CYP26B1: variants seen among roughly 807,000 people sequenced by gnomAD.
CYP26B1 encodes the protein cytochrome P450 26B1.
CYP26B1 carries 8 observed loss-of-function variants against 39.1 expected under a neutral mutation model. That is an observed-to-expected ratio of 0.20 (90% CI 0.12 to 0.37). The LOEUF is 0.37. Ranked by LOEUF, CYP26B1 falls within the 10% of genes least tolerant of loss-of-function variation. The pLI is 1.00. For synonymous variants in CYP26B1, 321 were observed against 314.3 expected (o/e 1.02, Z -0.23); for missense variants, 615 against 707.0 (o/e 0.87, Z 1.48).
chr2:72,135,396 G>A lies in CYP26B1; in HGVS notation c.453C>T (p.His151=), dbSNP rs746406112. ...KRKVFSKIFS[H]EALESYLPKI... ...TGGGCAGGTAACTCTCCAGGGCCTC[G>A]TGGCTGAAGATCTTGGAGAAGACCT... Residue 151 remains histidine, a synonymous_variant, in exon 3 of 6, where the codon CAC becomes CAT. Transcript: ENST00000001146. 1.2e-5 allele frequency: 19 copies of A among 1,612,356 alleles called. No individual in the cohort carries two copies. Among genetic ancestry groups the A allele is most frequent in the African/African-American group, 9.3e-5 (7 of 74,936 alleles).
At position 72,147,830 on chromosome 2, in the gene CYP26B1, A is replaced by G. The variant is rs748697471; in HGVS notation, c.5T>C (p.Leu2Pro). 4.6e-6 allele frequency: 7 copies of G among 1,516,794 alleles called. No individual in the cohort carries two copies. The highest frequency in any genetic ancestry group is 3.7e-4 in the Middle Eastern group (2 of 5,478). 94.0% of individuals were successfully genotyped at this position (1,516,794 alleles called of 1,614,324 possible). The change falls in exon 1 of 6, where the codon CTC (leucine) becomes CCC (proline). Residue 2 changes from leucine to proline, a missense_variant. By Grantham distance (98) the Leu-to-Pro change is moderately conservative (BLOSUM62 -3). Coordinates refer to ENST00000001146, the MANE Select transcript of CYP26B1 (RefSeq NM_019885.4). This position sits in a 1 kb window ranked among gnomAD's most constrained non-coding sequence, Gnocchi z 6.1. Reference sequence around the variant, plus strand: ...CGACACCAGATCCAAGCCCTCAAAGAGCATGTTGGCGGCCGCTCGGGGGAT... The same window carrying G: ...CGACACCAGATCCAAGCCCTCAAAGGGCATGTTGGCGGCCGCTCGGGGGAT... M[L>P]FEGLDLVSAL...
At chr2:72,133,710 G>A (rs781077152) in intron 4 of CYP26B1, among the ~76,000 whole-genome samples, 1 of 152,224 alleles carries the variant, frequency 6.6e-6, no homozygotes, top group Non-Finnish European at 1.5e-5. Flanking sequence ...TGTGGGGGAT[G>A]TGAGTCTAAA....
intron 2 of CYP26B1, among the ~76,000 whole-genome samples, chr2:72,143,404 G>C (rs1280440735): frequency 6.6e-6 from 1 of 151,264 alleles, no homozygotes. Flanking sequence ...ATCCCCGCTC[G>C]TGCCTCGCCT....
intron 2 of CYP26B1, among the ~76,000 whole-genome samples, chr2:72,143,371 C>CG (rs575862508): frequency 0.032 from 4,614 of 143,156 alleles, 274 homozygotes; most frequent in African/African-American, 0.099. Flanking sequence ...CTTCCTCTTT[C>CG]GGGGGGGGGT....
At chr2:72,142,228 G>A (rs1366218471) in intron 2 of CYP26B1, among the ~76,000 whole-genome samples, 1 of 152,116 alleles carries the variant, frequency 6.6e-6, no homozygotes, top group African/African-American at 2.4e-5. Context: ...CGGGAGGCCC[G>A]AGGCCAAGTC....
At chr2:72,139,159 G>C (rs1447477599) in intron 2 of CYP26B1, among the ~76,000 whole-genome samples, 1 of 152,122 alleles carries the variant, frequency 6.6e-6, no homozygotes, top group Non-Finnish European at 1.5e-5. Flanking sequence ...CAGTGACTCA[G>C]ACTGGGAGGA....
chr2:72,144,123 C>T lies in CYP26B1; in HGVS notation c.295G>A (p.Ala99Thr), dbSNP rs749249065. ...LGRPLIRVTG[A>T]ENVRKILMGE... ...ATGAGGATCTTGCGCACGTTCTCCG[C>T]GCCGGTCACGCGTATCAGCGGCCGC... Residue 99 changes from alanine to threonine, a missense_variant, in exon 2 of 6, where the codon GCG becomes ACG. Transcript: ENST00000001146. 6.2e-7 allele frequency: 1 copy of T among 1,611,646 alleles called. No individual in the cohort carries two copies. The highest frequency in any genetic ancestry group is 8.5e-7 in the Non-Finnish European group (1 of 1,177,964).
chr2:72,135,715 G>A lies in CYP26B1; in HGVS notation c.430-296C>T, dbSNP rs74570889. Among the ~76,000 whole-genome samples the A allele has an allele frequency of 4.9e-3, 753 of 152,292 alleles. 1 individual carries two copies. Among genetic ancestry groups the A allele is most frequent in the Non-Finnish European group, 7.8e-3 (531 of 68,020 alleles). On this transcript the variant is annotated intron_variant, in intron 2 of 5. Transcript: ENST00000001146. ...TGCCCTGGAGAAGTGGAGCACAGTC[G>A]TTGGACTGTACAGGGAAGTAGGGGA...
chr2:72,136,727 G>A (rs540100218), intron 2 of CYP26B1, among the ~76,000 whole-genome samples: 4 of 152,310 alleles, frequency 2.6e-5, no homozygotes, highest in Middle Eastern at 3.4e-3. Context: ...ATTTCCAGGG[G>A]ACTCTAACTA....
Position 72,144,094 on chromosome 2 carries a change from G to A in CYP26B1, c.324C>T (p.Gly108=), listed in dbSNP as rs755279161. 2 of 1,612,712 alleles carry A rather than the reference G, an allele frequency of 1.2e-6. No homozygotes were observed. ...GAENVRKILM[G]EHHLVSTEWP... Reference sequence around the variant, plus strand: ...ACTCGGTGCTCACGAGGTGGTGCTCGCCCATGAGGATCTTGCGCACGTTCT... The same window carrying A: ...ACTCGGTGCTCACGAGGTGGTGCTCACCCATGAGGATCTTGCGCACGTTCT... Residue 108 remains glycine, a synonymous_variant, in exon 2 of 6, where the codon GGC becomes GGT. Coordinates refer to ENST00000001146, the MANE Select transcript of CYP26B1 (RefSeq NM_019885.4).
Position 72,133,049 on chromosome 2 carries a change from T to C in CYP26B1, c.1120A>G (p.Thr374Ala), listed in dbSNP as rs769098244. 6.2e-7 allele frequency: 1 copy of C among 1,613,244 alleles called. No homozygotes were observed. Among genetic ancestry groups the C allele is most frequent in the East Asian group, 2.2e-5 (1 of 44,882 alleles). The stretch of plus-strand genomic sequence containing the variant: ...TCAAGCTCGAAGGTCTGCAGCACAG[T>C]GCGGTAGCCGCCGGAAATGGGCGTG... ...LFTPISGGYR[T>A]VLQTFELDGF... The change falls in exon 5 of 6, where the codon ACT becomes GCT. Residue 374 changes from threonine to alanine, a missense_variant. Physicochemically the swap from Thr to Ala is moderately conservative, Grantham distance 58. Coordinates refer to ENST00000001146, the MANE Select transcript of CYP26B1 (RefSeq NM_019885.4).
At chr2:72,140,055 G>C (rs1272815024) in intron 2 of CYP26B1, among the ~76,000 whole-genome samples, 2 of 152,116 alleles carry the variant, frequency 1.3e-5, no homozygotes, top group African/African-American at 4.8e-5. Flanking sequence ...GGGGGCCCAG[G>C]GCCAGGGCAG....
chr2:72,143,641 GC>G (rs1677021228), intron 2 of CYP26B1, among the ~76,000 whole-genome samples: 1 of 152,250 alleles, frequency 6.6e-6, no homozygotes, highest in African/African-American at 2.4e-5. Context: ...GGGAAACGTG[GC>G]GAAAAGGCGA....
chr2:72,141,912 C>T (rs1483450725), intron 2 of CYP26B1, among the ~76,000 whole-genome samples: 1 of 152,170 alleles, frequency 6.6e-6, no homozygotes, highest in African/African-American at 2.4e-5. Context: ...AAGCATAAAA[C>T]TGCTACACAC....
intron 2 of CYP26B1, among the ~76,000 whole-genome samples, chr2:72,142,258 CCCCA>C (rs1676964846): frequency 6.6e-6 from 1 of 152,206 alleles, no homozygotes; most frequent in South Asian, 2.1e-4. Flanking sequence ...GTGGGTGGAA[CCCCA>C]AGACAACGCC....
Position 72,135,360 on chromosome 2 carries a change from C to A in CYP26B1, c.489G>T (p.Leu163=). 2 of 1,613,884 alleles carry A rather than the reference C, an allele frequency of 1.2e-6. No homozygotes were observed. The highest frequency in any genetic ancestry group is 2.2e-5 in the East Asian group (1 of 44,892). ...ALESYLPKIQ[L]VIQDTLRAWS... ...AGGCGCGCAGTGTGTCCTGGATCACCAGCTGGATCTTGGGCAGGTAACTCT... is the reference window on the plus strand; with the variant it reads ...AGGCGCGCAGTGTGTCCTGGATCACAAGCTGGATCTTGGGCAGGTAACTCT... The change falls in exon 3 of 6, where the codon CTG becomes CTT. Residue 163 remains leucine, a synonymous_variant. Coordinates refer to ENST00000001146, the MANE Select transcript of CYP26B1 (RefSeq NM_019885.4).
At chr2:72,141,701 C>A (rs144432204) in intron 2 of CYP26B1, among the ~76,000 whole-genome samples, 311 of 152,356 alleles carry the variant, frequency 2.0e-3, no homozygotes, top group African/African-American at 6.5e-3. Flanking sequence ...GCCATTCTCT[C>A]CAGGACAATC....
intron 2 of CYP26B1, among the ~76,000 whole-genome samples, chr2:72,139,204 G>A (rs1314206973): frequency 1.3e-5 from 2 of 152,142 alleles, no homozygotes; most frequent in Non-Finnish European, 2.9e-5. Context: ...TGGGGGCCTG[G>A]GCAGGCCACC....
At chr2:72,135,107 G>A (rs750811699) in intron 3 of CYP26B1, 37 bp downstream of exon 3, 1 of 1,610,804 alleles carries the variant, frequency 6.2e-7, no homozygotes. Context: ...GCTCATGGAT[G>A]CCCCTGCTCC....
Sources: gnomAD v4.1 joint callset for allele counts (sites outside exome capture counted in the v4.1 genomes callset) on GRCh38, gnomAD v4.1.1 for gene constraint, Gnocchi (gnomAD v3.1) non-coding constraint, MANE v1.5 for transcripts, NCBI Gene and HGNC (gene_info 2026-07-23, HGNC 2026-07-21) for gene names.